IL22RA1: variants seen among roughly 807,000 people sequenced by gnomAD.
IL22RA1 encodes the protein interleukin-22 receptor subunit alpha-1.
Under a neutral mutation model 32.8 loss-of-function variants are expected in IL22RA1, and 25 were observed. That is an observed-to-expected ratio of 0.76 (90% CI 0.55 to 1.06). The LOEUF (loss-of-function observed/expected upper bound fraction) is 1.06, where lower values mean the gene tolerates loss of function less well. Ranked by LOEUF, IL22RA1 falls within the 50% of genes least tolerant of loss-of-function variation. The probability of loss-of-function intolerance (pLI) is 0.00; values close to 1 mark genes in which losing one functional copy is unlikely to be tolerated. For synonymous variants in IL22RA1, 305 were observed against 305.0 expected, an observed-to-expected ratio of 1.00 and a Z score of 0.00; for missense variants, 709 against 727.4, an observed-to-expected ratio of 0.97 and a Z score of 0.29.
intron 4 of IL22RA1, among the ~76,000 whole-genome samples, chr1:24,132,837 T>C (rs1307382274): frequency 4.6e-5 from 7 of 151,082 alleles, no homozygotes; most frequent in African/African-American, 1.7e-4. Flanking sequence ...CCCGTCTCTC[T>C]TTTTTTTAAA....
chr1:24,135,660 A>C (rs1644236644), intron 3 of IL22RA1, among the ~76,000 whole-genome samples: 1 of 152,172 alleles, frequency 6.6e-6, no homozygotes, highest in Admixed American at 6.5e-5. Context: ...GGAAACTTAC[A>C]ATCAGGAAAC....
chr1:24,128,133 G>A lies in IL22RA1; in HGVS notation c.670+8C>T, dbSNP rs201644800. ...GCCCCACCTCCCTCTGGTTTCAGCC[G>A]AACTCACCTGGCAGTGTCTTCACTC... On this transcript the variant is annotated splice_region_variant and intron_variant, in intron 5 of 6. Transcript: ENST00000270800. The A allele has an allele frequency of 1.3e-4, 201 of 1,508,790 alleles. 1 individual carries two copies. The highest frequency in any genetic ancestry group is 8.7e-4 in the South Asian group (66 of 75,444). The allele number at this position is 1,508,790 out of a possible 1,614,324, so 93.5% of individuals were successfully genotyped here. A position where few individuals can be genotyped will look rare whatever the true frequency, so the allele number is the denominator to read the frequency against.
chr1:24,136,954 CTG>C (rs1644246510), intron 3 of IL22RA1, among the ~76,000 whole-genome samples, 175 bp downstream of exon 3: 1 of 149,510 alleles, frequency 6.7e-6, no homozygotes, highest in Non-Finnish European at 1.5e-5. Context: ...TAGGAACACA[CTG>C]TAATTGGTGG....
chr1:24,124,103 A>G (rs1344984104), intron 5 of IL22RA1, among the ~76,000 whole-genome samples: 1 of 152,152 alleles, frequency 6.6e-6, no homozygotes, highest in Non-Finnish European at 1.5e-5. Flanking sequence ...CCTTTGTTGT[A>G]TGGAGTCTTC....
At chr1:24,126,614 C>T (rs1377225816) in intron 5 of IL22RA1, among the ~76,000 whole-genome samples, 2 of 152,194 alleles carry the variant, frequency 1.3e-5, no homozygotes, top group African/African-American at 4.8e-5. Context: ...AAACTCAACT[C>T]TATTCTGAAT....
In IL22RA1 at chr1:24,120,506, T is replaced by A; in HGVS notation, c.*299A>T. ...GAGGTGGGGCTCTGGACCTCGGGAGTTTCCCTGCATTTCCTCCTTGCACTG... is the reference window on the plus strand; with the variant it reads ...GAGGTGGGGCTCTGGACCTCGGGAGATTCCCTGCATTTCCTCCTTGCACTG... On this transcript the variant is annotated 3_prime_UTR_variant, in exon 7 of 7. Transcript: ENST00000270800. 6.1e-6 allele frequency: 2 copies of A among 329,862 alleles called. No individual in the cohort carries two copies. Among genetic ancestry groups the A allele is most frequent in the Non-Finnish European group, 1.1e-5 (2 of 180,852 alleles). The allele number at this position is 329,862 out of a possible 1,614,324, so 20.4% of individuals were successfully genotyped here. A position where few individuals can be genotyped will look rare whatever the true frequency, so the allele number is the denominator to read the frequency against.
Position 24,138,706 on chromosome 1 carries a change from G to C in IL22RA1, c.52C>G (p.Pro18Ala), listed in dbSNP as rs369799031. The change falls in exon 2 of 7, where the codon CCT becomes GCT. Residue 18 changes from proline (P) to alanine (A), a missense_variant. By Grantham distance (27) the Pro-to-Ala change is conservative. Transcript: ENST00000270800. ...TGGAGCAGATCCGAGGGGTCCTCAG[G>C]GGCGTGAGCTGCAGGAGGGTGGGAG... ...LTVGSLAAHA[P>A]EDPSDLLQHV... 5.0e-6 allele frequency: 8 copies of C among 1,613,942 alleles called. No homozygotes were observed. The African/African-American group carries it at 1.1e-4, about 22-fold the overall frequency.
At position 24,121,389 on chromosome 1, in the gene IL22RA1, C is replaced by T. The variant is rs758641252; in HGVS notation, c.1141G>A (p.Ala381Thr). The T allele has an allele frequency of 4.5e-6, 7 of 1,562,100 alleles. No homozygotes were observed. The South Asian group carries it at 8.6e-5, about 19-fold the overall frequency. The change falls in exon 7 of 7, where the codon GCC (alanine) becomes ACC (threonine). Residue 381 changes from alanine (A) to threonine (T), a missense_variant. Coordinates refer to ENST00000270800, the MANE Select transcript of IL22RA1 (RefSeq NM_021258.4). The part of the protein sequence containing the change: ...EAQFPFYAPQ[A>T]ISKVQPSSYA... ...GAGGAAGGCTGGACCTTAGAGATGG[C>T]CTGTGGGGCGTAGAATGGGAATTGA...
At chr1:24,130,555 G>A (rs1443416945) in intron 4 of IL22RA1, among the ~76,000 whole-genome samples, 1 of 152,142 alleles carries the variant, frequency 6.6e-6, no homozygotes, top group African/African-American at 2.4e-5. Context: ...ACTCTTTGGA[G>A]GAATATAACA....
chr1:24,135,989 G>A (rs1399650503), intron 3 of IL22RA1, among the ~76,000 whole-genome samples: 1 of 152,158 alleles, frequency 6.6e-6, no homozygotes, highest in Non-Finnish European at 1.5e-5. Context: ...GGATCTCACT[G>A]TGTCACCTAA....
chr1:24,137,302 C>G lies in IL22RA1; in HGVS notation c.184G>C (p.Glu62Gln), dbSNP rs1644249152. The part of the protein sequence containing the change: ...VYSIEYKTYG[E>Q]RDWVAKKGCQ... ...CCCTTCTTTGCCACCCAGTCCCTCT[C>G]TCCGTACCTGCAGGTCAGGAAGGGG... Residue 62 changes from glutamate to glutamine, a missense_variant, in exon 3 of 7, where the codon GAG (glutamate) becomes CAG (glutamine). Physicochemically the swap from Glu to Gln is conservative, Grantham distance 29. Coordinates refer to ENST00000270800, the MANE Select transcript of IL22RA1 (RefSeq NM_021258.4). 6.2e-7 allele frequency: 1 copy of G among 1,613,674 alleles called. No individual in the cohort carries two copies. The highest frequency in any genetic ancestry group is 1.1e-5 in the South Asian group (1 of 91,072).
intron 5 of IL22RA1, among the ~76,000 whole-genome samples, chr1:24,126,773 C>T (rs1024873915): frequency 6.6e-6 from 1 of 152,120 alleles, no homozygotes; most frequent in African/African-American, 2.4e-5. Flanking sequence ...ACGTTTCCCT[C>T]CGTCTATGAA....
rs144721597 is a variant in IL22RA1 at position 24,123,790 on chromosome 1, C to T, written c.671-367G>A. On this transcript the variant is annotated intron_variant, in intron 5 of 6. Transcript: ENST00000270800. ...CGCAGCGCACTGCAGGCCCCCAGCC[C>T]AGCCCAGCCCAGCCCAGTTCCATCC... Among the ~76,000 whole-genome samples the T allele has an allele frequency of 3.2e-3, 489 of 152,240 alleles. 3 individuals are homozygous for T. The highest frequency in any genetic ancestry group is 0.011 in the African/African-American group (464 of 41,552).
chr1:24,130,747 CAGGTTGG>C (rs758381478), intron 4 of IL22RA1, among the ~76,000 whole-genome samples: 1 of 152,214 alleles, frequency 6.6e-6, no homozygotes, highest in Non-Finnish European at 1.5e-5. Flanking sequence ...CTCTGTCACC[CAGGTTGG>C]AGTGCAGTGG....
chr1:24,136,153 CTG>C (rs1644240808), intron 3 of IL22RA1, among the ~76,000 whole-genome samples: 2 of 152,126 alleles, frequency 1.3e-5, no homozygotes, highest in Admixed American at 6.5e-5. Flanking sequence ...TGGGGTCTCA[CTG>C]TGTTCCCCAG....
intron 1 of IL22RA1, among the ~76,000 whole-genome samples, chr1:24,139,317 C>A (rs1260874438): frequency 2.0e-5 from 3 of 152,174 alleles, no homozygotes; most frequent in Non-Finnish European, 2.9e-5. Flanking sequence ...GTGTGATATA[C>A]CACATTTTGT....
intron 4 of IL22RA1, 111 bp downstream of exon 4, chr1:24,134,100 A>G (rs1234198716): frequency 3.5e-6 from 3 of 866,372 alleles, no homozygotes; most frequent in Non-Finnish European, 5.1e-6. Flanking sequence ...ATGTTTTGGG[A>G]AATGCTAATT....
chr1:24,121,361 T>C lies in IL22RA1; in HGVS notation c.1169A>G (p.Tyr390Cys), dbSNP rs1481903010. ...QAISKVQPSS[Y>C]APQATPDSWP... The stretch of plus-strand genomic sequence containing the variant: ...GCTGTCCGGAGTGGCTTGAGGGGCA[T>C]AGGAGGAAGGCTGGACCTTAGAGAT... The change falls in exon 7 of 7, where the codon TAT becomes TGT. Residue 390 changes from tyrosine (Y) to cysteine (C), a missense_variant. Physicochemically the swap from Tyr to Cys is radical, Grantham distance 194. Transcript: ENST00000270800. 1.9e-6 allele frequency: 3 copies of C among 1,587,114 alleles called. No individual in the cohort carries two copies. The highest frequency in any genetic ancestry group is 2.2e-5 in the East Asian group (1 of 44,494).
chr1:24,135,730 C>A (rs1321971662), intron 3 of IL22RA1, among the ~76,000 whole-genome samples: 1 of 152,148 alleles, frequency 6.6e-6, no homozygotes. Context: ...AAAATGAGAA[C>A]CAAGCAAAGG....
Sources: allele counts gnomAD v4.1 joint callset (sites outside exome capture counted in the v4.1 genomes callset), GRCh38; gene constraint gnomAD v4.1.1; transcripts MANE v1.5; gene names NCBI Gene and HGNC (gene_info 2026-07-23, HGNC 2026-07-21).